Variants in NFASC observed in about 807,000 individuals in gnomAD.
The protein encoded by NFASC is neurofascin, also known as neurofascin homolog.
Under a neutral mutation model 147.5 loss-of-function variants are expected in NFASC, and 43 were observed. The ratio of observed to expected loss-of-function variants is 0.29; its 90% CI spans 0.23 to 0.38. NFASC has a LOEUF of 0.38. Ranked by LOEUF, NFASC falls within the 10% of genes least tolerant of loss-of-function variation. NFASC has a pLI of 1.00. For missense variants in NFASC, 1,320 were observed against 1,689.0 expected (o/e 0.78, Z 3.83); for synonymous variants, 622 against 665.5 (o/e 0.93, Z 1.01).
chr1:204,970,873 G>GT (rs2095222944), intron 11 of NFASC, 126 bp downstream of exon 11: 1 of 1,185,156 alleles, frequency 8.4e-7, no homozygotes, highest in African/African-American at 1.5e-5. Flanking sequence ...ACTGGTGGCT[G>GT]TTTCTCAGCT....
chr1:205,009,745 G>A, intron 28 of NFASC, 57 bp downstream of exon 28: 1 of 1,547,206 alleles, frequency 6.5e-7, no homozygotes, highest in Non-Finnish European at 8.8e-7. Context: ...TTTCCCGTGA[G>A]TCTCCAGGTC....
chr1:204,844,957 T>C (rs1676517706), intron 1 of NFASC, among the ~76,000 whole-genome samples: 1 of 152,124 alleles, frequency 6.6e-6, no homozygotes, highest in Non-Finnish European at 1.5e-5. Context: ...TGCGTTTAGC[T>C]TCCCTATCTT....
intron 1 of NFASC, among the ~76,000 whole-genome samples, chr1:204,882,678 G>A (rs2080506121): frequency 6.6e-6 from 1 of 152,122 alleles, no homozygotes; most frequent in Non-Finnish European, 1.5e-5. Flanking sequence ...AGCATTGCCT[G>A]GCACCTGTGA....
At chr1:205,006,274 C>T (rs1250739177) in intron 27 of NFASC, among the ~76,000 whole-genome samples, 1 of 152,152 alleles carries the variant, frequency 6.6e-6, no homozygotes, top group African/African-American at 2.4e-5. Context: ...GTTATGTGAC[C>T]AGCATTGTGC....
intron 23 of NFASC, chr1:204,989,669 C>T (rs1419676865): frequency 6.6e-6 from 1 of 152,220 alleles, no homozygotes; most frequent in Non-Finnish European, 1.5e-5. Flanking sequence ...TGAGTACCCA[C>T]AATGTGAGGT....
chr1:204,846,600 G>C (rs759542371), intron 1 of NFASC, among the ~76,000 whole-genome samples: 3 of 151,980 alleles, frequency 2.0e-5, no homozygotes, highest in Non-Finnish European at 4.4e-5. Flanking sequence ...TCCTAGGTGG[G>C]GGATGGAGGG....
intron 2 of NFASC, among the ~76,000 whole-genome samples, chr1:204,942,735 C>T (rs978555505): frequency 1.3e-5 from 2 of 152,106 alleles, no homozygotes; most frequent in Non-Finnish European, 2.9e-5. Flanking sequence ...ATCAAAACCA[C>T]GGTGGTGGCA....
chr1:204,834,443 T>A (rs1023924631), intron 1 of NFASC, among the ~76,000 whole-genome samples: 33 of 152,028 alleles, frequency 2.2e-4, no homozygotes, highest in Admixed American at 1.2e-3. Context: ...ATGCCCTCAC[T>A]CCCCTATCAT....
chr1:204,871,984 G>A (rs1348017228), intron 1 of NFASC, among the ~76,000 whole-genome samples: 1 of 152,210 alleles, frequency 6.6e-6, no homozygotes, highest in Non-Finnish European at 1.5e-5. Flanking sequence ...TGTCCTTTGG[G>A]TACAGGGCTC....
At chr1:204,862,693 A>G (rs966067803) in intron 1 of NFASC, among the ~76,000 whole-genome samples, 1 of 152,182 alleles carries the variant, frequency 6.6e-6, no homozygotes, top group African/African-American at 2.4e-5. Context: ...TCTCATCTTC[A>G]TAAGGGTTAG....
chr1:204,949,602 A>G (rs2093980796), intron 3 of NFASC, among the ~76,000 whole-genome samples: 3 of 152,238 alleles, frequency 2.0e-5, no homozygotes, highest in Non-Finnish European at 4.4e-5. Flanking sequence ...TTGTCCCCAC[A>G]AAAAGCACAC....
intron 1 of NFASC, among the ~76,000 whole-genome samples, chr1:204,871,329 G>A (rs2077651776): frequency 1.3e-5 from 2 of 152,128 alleles, no homozygotes; most frequent in African/African-American, 2.4e-5. Context: ...TGTCCTAAAT[G>A]AGCTGAAATT....
rs1333125824 is a variant in NFASC, at chr1:204,979,641, G to T, written c.2176+82G>T. The T allele has an allele frequency of 6.0e-6, 8 of 1,322,518 alleles. No homozygotes were observed. The highest frequency in any genetic ancestry group is 1.5e-5 in the African/African-American group (1 of 68,930). 81.9% of individuals were successfully genotyped at this position (1,322,518 alleles called of 1,614,324 possible). ...CTGAGATCCCCCCATTCCCAGCCATGTGAACTTAGGTTACTTAACTTCTCC... is the reference window on the plus strand; with the variant it reads ...CTGAGATCCCCCCATTCCCAGCCATTTGAACTTAGGTTACTTAACTTCTCC... On this transcript the variant is annotated intron_variant, in intron 19 of 29. Transcript: ENST00000339876. The surrounding 1 kb of genome is among the most constrained non-coding windows in gnomAD (Gnocchi z 6.0).
intron 2 of NFASC, 61 bp from the exon 3 acceptor site, chr1:204,944,165 A>T: frequency 6.8e-7 from 1 of 1,464,254 alleles, no homozygotes; most frequent in Non-Finnish European, 9.2e-7. Flanking sequence ...GCCCTGTAGG[A>T]TTGCTAGAGC....
intron 1 of NFASC, among the ~76,000 whole-genome samples, chr1:204,855,473 C>T (rs1374863933): frequency 1.3e-5 from 2 of 152,008 alleles, no homozygotes; most frequent in Non-Finnish European, 2.9e-5. Flanking sequence ...GAAATTAGGA[C>T]CTAGGAAAGA....
Position 204,977,149 on chromosome 1 carries a change from C to CT in NFASC, c.1831+355dup, listed in dbSNP as rs2095423910. ...AAAACAATCCATCCTTAAAGCAAGA[C>CT]TGAGTTTGTGTTTGTGCTTCCAATG... On this transcript the variant is annotated intron_variant, in intron 16 of 29. Coordinates refer to ENST00000339876, the MANE Select transcript of NFASC (RefSeq NM_001005388.3). 1.8e-5 allele frequency: 20 copies of CT among 1,120,946 alleles called. No homozygotes were observed. In the South Asian group the frequency reaches 6.6e-4, roughly 37 times the overall value. 69.4% of individuals were successfully genotyped at this position (1,120,946 alleles called of 1,614,324 possible). A position where few individuals can be genotyped will look rare whatever the true frequency, so the allele number is the denominator to read the frequency against.
chr1:204,982,629 C>CAA (rs1057017548), intron 21 of NFASC, among the ~76,000 whole-genome samples: 8 of 152,244 alleles, frequency 5.3e-5, no homozygotes, highest in African/African-American at 1.7e-4. Flanking sequence ...GGTAAAACAA[C>CAA]AAGATTCTGG....
chr1:204,832,668 G>T (rs1158082886), intron 1 of NFASC, among the ~76,000 whole-genome samples: 1 of 152,204 alleles, frequency 6.6e-6, no homozygotes, highest in Admixed American at 6.5e-5. Flanking sequence ...TTTCATCAAT[G>T]TATCCTGAGC....
At chr1:204,945,011 G>T (rs776299391) in intron 3 of NFASC, 1 of 152,214 alleles carries the variant, frequency 6.6e-6, no homozygotes, top group Non-Finnish European at 1.5e-5. Context: ...CAACTTTCCT[G>T]CAGTAAAGAT....
Sources: gnomAD v4.1 joint callset for allele counts (sites outside exome capture counted in the v4.1 genomes callset) on GRCh38, gnomAD v4.1.1 for gene constraint, Gnocchi (gnomAD v3.1) non-coding constraint, MANE v1.5 for transcripts, NCBI Gene and HGNC (gene_info 2026-07-23, HGNC 2026-07-21) for gene names.